The following ERCC6 variants were observed in gnomAD, a reference collection of about 807,000 sequenced individuals.
The protein encoded by ERCC6 is DNA excision repair protein ERCC-6.
Under a neutral mutation model 158.7 loss-of-function variants are expected in ERCC6, and 116 were observed. That is an observed-to-expected ratio of 0.73 (90% CI 0.63 to 0.85). The LOEUF (loss-of-function observed/expected upper bound fraction) is 0.85, where lower values mean the gene tolerates loss of function less well. Among genes scored for constraint, ERCC6 ranks in the 40% least tolerant of loss-of-function variants. The pLI is 0.00. For synonymous variants in ERCC6, 678 were observed against 659.3 expected (o/e 1.03, Z -0.43); for missense variants, 1,698 against 1,799.4 (o/e 0.94, Z 1.02).
At chr10:49,451,097 C>G (rs1432134939), downstream of ERCC6, among the ~76,000 whole-genome samples, 2 of 152,108 alleles carry the variant, frequency 1.3e-5, no homozygotes, top group African/African-American at 4.8e-5. Context: ...AGGCGTGAGC[C>G]ACCATGCCCG....
In ERCC6 at chr10:49,524,200, G is replaced by A. The variant is rs145917244; in HGVS notation, c.1230C>T (p.Gly410=). Residue 410 remains glycine (G), a synonymous_variant, in exon 5 of 21, where the codon GGC becomes GGT. Coordinates refer to ENST00000355832, the MANE Select transcript of ERCC6 (RefSeq NM_000124.4). ...TDYELKPLPK[G]GKRQKKVPVQ... ...CTGGCACTTTCTTCTGCCGTTTCCCGCCCTTGGGCAGAGGCTTCAGCTCAT... is the reference window on the plus strand; with the variant it reads ...CTGGCACTTTCTTCTGCCGTTTCCCACCCTTGGGCAGAGGCTTCAGCTCAT... The A allele has an allele frequency of 1.1e-4, 170 of 1,613,990 alleles. No homozygotes were observed. The highest frequency in any genetic ancestry group is 5.8e-4 in the Admixed American group (35 of 60,002).
At chr10:49,446,225 C>T in the ERCC6 span, among the ~76,000 whole-genome samples, 3 of 127,930 alleles carry the variant, frequency 2.3e-5, no homozygotes, top group South Asian at 2.9e-4. Context: ...CACACAAAAA[C>T]GTCACACACA....
intron 9 of ERCC6, 100 bp from the exon 10 acceptor site, chr10:49,482,963 C>A: frequency 8.3e-7 from 1 of 1,211,136 alleles, no homozygotes; most frequent in Non-Finnish European, 1.2e-6. Context: ...CACATTTACT[C>A]ATCATTCTTG....
Position 49,488,880 on chromosome 10 carries a change from T to C in ERCC6, c.1821+4237A>G, listed in dbSNP as rs995086435. Among the ~76,000 whole-genome samples the C allele has an allele frequency of 2.0e-4, 30 of 152,062 alleles. 1 individual carries two copies. The highest frequency in any genetic ancestry group is 3.3e-4 in the Admixed American group (5 of 15,266). ...CTCACTGCAAGTTCCGCCTCCCAGG[T>C]TCACGCCATTCTCCTGCCTCAGCCT... On this transcript the variant is annotated intron_variant, in intron 8 of 20. Transcript: ENST00000355832.
the ERCC6 span, among the ~76,000 whole-genome samples, chr10:49,443,268 A>G: frequency 4.2e-3 from 645 of 152,378 alleles, 3 homozygotes; most frequent in African/African-American, 0.015. Flanking sequence ...AGGAAGTTAA[A>G]TCAATGTCAT....
chr10:49,524,486 T>A lies in ERCC6; in HGVS notation c.944A>T (p.Asn315Ile). 6.2e-7 allele frequency: 1 copy of A among 1,614,224 alleles called. No homozygotes were observed. The highest frequency in any genetic ancestry group is 8.5e-7 in the Non-Finnish European group (1 of 1,180,040). Residue 315 changes from asparagine (N) to isoleucine (I), a missense_variant, in exon 5 of 21, where the codon AAC (asparagine) becomes ATC (isoleucine). Coordinates refer to ENST00000355832, the MANE Select transcript of ERCC6 (RefSeq NM_000124.4). ...PAPVQNKNKP[N>I]KKARVLSKKE... ...TTTGGACAGAACTCTGGCTTTCTTG[T>A]TTGGTTTGTTTTTATTTTGCACTGG...
the ERCC6 span, among the ~76,000 whole-genome samples, chr10:49,436,051 T>C: frequency 1.3e-5 from 2 of 148,478 alleles, no homozygotes; most frequent in Non-Finnish European, 3.0e-5. Context: ...TAAAAAACTA[T>C]GAAACAAGGA....
At chr10:49,524,881 C>T (rs1837275045) in intron 4 of ERCC6, 104 bp from the exon 5 acceptor site, 2 of 1,540,978 alleles carry the variant, frequency 1.3e-6, no homozygotes, top group Non-Finnish European at 1.7e-6. Context: ...ACAAATAACT[C>T]ATATAAAAAA....
At chr10:49,528,790 A>G (rs1837401795) in intron 3 of ERCC6, among the ~76,000 whole-genome samples, 2 of 152,124 alleles carry the variant, frequency 1.3e-5, no homozygotes, top group Non-Finnish European at 2.9e-5. Context: ...ACTGCCTTCT[A>G]TGTGCCCGAG....
Position 49,460,602 on chromosome 10 carries a change from C to T in ERCC6, c.3984-151G>A, listed in dbSNP as rs1210267997. ...CATGCCATTTCTGCTCTATCCCCCT[C>T]GATTCTTCCACTCCACCCTCCTAGA... On this transcript the variant is annotated intron_variant, in intron 19 of 20. Coordinates refer to ENST00000355832, the MANE Select transcript of ERCC6 (RefSeq NM_000124.4). The T allele has an allele frequency of 1.5e-5, 10 of 682,858 alleles. No individual in the cohort carries two copies. In the Admixed American group the frequency reaches 1.5e-4, roughly 10 times the overall value. 42.3% of individuals were successfully genotyped at this position (682,858 alleles called of 1,614,324 possible).
At chr10:49,489,977 A>C (rs1851144272) in intron 8 of ERCC6, among the ~76,000 whole-genome samples, 1 of 152,214 alleles carries the variant, frequency 6.6e-6, no homozygotes, top group Non-Finnish European at 1.5e-5. Context: ...TGTTTTAACA[A>C]ATAAATATTA....
At chr10:49,535,300 A>G (rs545928008) in intron 1 of ERCC6, among the ~76,000 whole-genome samples, 1 of 152,212 alleles carries the variant, frequency 6.6e-6, no homozygotes, top group Non-Finnish European at 1.5e-5. Flanking sequence ...ATCTGAGCTC[A>G]AGGGAAAGTC....
At chr10:49,530,974 C>T in intron 2 of ERCC6, 134 bp from the exon 3 acceptor site, 2 of 1,272,886 alleles carry the variant, frequency 1.6e-6, no homozygotes, top group Non-Finnish European at 2.1e-6. Flanking sequence ...AACCAGAATA[C>T]ATACCCTTAT....
chr10:49,482,402 A>T (rs963508379), intron 10 of ERCC6, among the ~76,000 whole-genome samples: 1 of 152,196 alleles, frequency 6.6e-6, no homozygotes, highest in Non-Finnish European at 1.5e-5. Flanking sequence ...CATCTTTTTA[A>T]ACATCCCAGG....
chr10:49,493,870 T>C (rs1851218596), intron 7 of ERCC6, among the ~76,000 whole-genome samples: 1 of 152,166 alleles, frequency 6.6e-6, no homozygotes, highest in Non-Finnish European at 1.5e-5. Flanking sequence ...CAAAGCACCA[T>C]GGAGGAGCAT....
chr10:49,488,575 T>C (rs1851116154), intron 8 of ERCC6, among the ~76,000 whole-genome samples: 1 of 152,094 alleles, frequency 6.6e-6, no homozygotes, highest in Non-Finnish European at 1.5e-5. Context: ...TTGCATTCTA[T>C]TATAATTTGT....
At position 49,458,622 on chromosome 10, in the gene ERCC6, T is replaced by C. The variant is rs1034285722; in HGVS notation, c.*193A>G. 1.6e-6 allele frequency: 1 copy of C among 615,192 alleles called. No homozygotes were observed. The highest frequency in any genetic ancestry group is 1.8e-5 in the African/African-American group (1 of 54,192). 38.1% of individuals were successfully genotyped at this position (615,192 alleles called of 1,614,324 possible). On this transcript the variant is annotated 3_prime_UTR_variant, in exon 21 of 21. Transcript: ENST00000355832. The stretch of plus-strand genomic sequence containing the variant: ...CAATCCAAGTATTTTCTCCTTTAGC[T>C]AGCATTATTAAAACTTTTAACTTTC...
the ERCC6 span, among the ~76,000 whole-genome samples, chr10:49,446,567 G>A: frequency 6.6e-6 from 1 of 152,142 alleles, no homozygotes; most frequent in Non-Finnish European, 1.5e-5. Context: ...CTTGAGCCAA[G>A]AGTTCAAGAC....
At chr10:49,453,999 T>C (rs1024683655), downstream of ERCC6, among the ~76,000 whole-genome samples, 4 of 152,260 alleles carry the variant, frequency 2.6e-5, no homozygotes, top group African/African-American at 9.6e-5. Context: ...TGTTTTTCAA[T>C]CAATTTGGAG....
Sources: gnomAD v4.1 joint callset for allele counts (sites outside exome capture counted in the v4.1 genomes callset) on GRCh38, gnomAD v4.1.1 for gene constraint, MANE v1.5 for transcripts, NCBI Gene and HGNC (gene_info 2026-07-23, HGNC 2026-07-21) for gene names.